The following MED13 variants were observed in gnomAD, a reference collection of about 807,000 sequenced individuals.
MED13 encodes the protein mediator of RNA polymerase II transcription subunit 13.
MED13 carries 23 observed loss-of-function variants against 225.2 expected under a neutral mutation model. That is an observed-to-expected ratio of 0.10 (90% confidence interval 0.07 to 0.14). The LOEUF is 0.14. Among genes scored for constraint, MED13 ranks in the 10% least tolerant of loss-of-function variants. The probability of loss-of-function intolerance (pLI) is 1.00; values close to 1 mark genes in which losing one functional copy is unlikely to be tolerated. For missense variants in MED13, 2,197 were observed against 2,594.5 expected (o/e 0.85, Z 3.33); for synonymous variants, 942 against 889.2 (o/e 1.06, Z -1.06).
intron 16 of MED13, among the ~76,000 whole-genome samples, chr17:61,979,359 G>C (rs2080183940): frequency 1.3e-5 from 2 of 152,198 alleles, no homozygotes; most frequent in South Asian, 4.2e-4. Flanking sequence ...AAATAGGCTG[G>C]AGTGCAGTGG....
chr17:62,047,173 C>T (rs972034307), intron 3 of MED13, among the ~76,000 whole-genome samples: 1 of 152,004 alleles, frequency 6.6e-6, no homozygotes, highest in African/African-American at 2.4e-5. Context: ...GAGTTCGAGA[C>T]CAGTCTGGCT....
At position 62,010,856 on chromosome 17, in the gene MED13, G is replaced by A; in HGVS notation, c.1661C>T (p.Thr554Ile). The A allele has an allele frequency of 6.2e-7, 1 of 1,614,242 alleles. No individual in the cohort carries two copies. The highest frequency in any genetic ancestry group is 8.5e-7 in the Non-Finnish European group (1 of 1,180,050). ...VDEGVTKTPS[T>I]PQSQHFYQMP... ...TTGATAAAAATGTTGACTCTGAGGA[G>A]TTGAAGGTGTTTTAGTCACTCCTTC... The change falls in exon 9 of 30, where the codon ACT (threonine) becomes ATT (isoleucine). Residue 554 changes from threonine (T) to isoleucine (I), a missense_variant. Thr to Ile is a moderately conservative substitution (Grantham distance 89, BLOSUM62 -1). Coordinates refer to ENST00000397786, the MANE Select transcript of MED13 (RefSeq NM_005121.3).
At chr17:62,019,813 G>A (rs183397534) in intron 8 of MED13, among the ~76,000 whole-genome samples, 4 of 150,096 alleles carry the variant, frequency 2.7e-5, no homozygotes, top group East Asian at 2.0e-4. Flanking sequence ...GCACAATCTC[G>A]GCTTACTGCA....
At chr17:61,973,828 T>C (rs887884760) in intron 16 of MED13, among the ~76,000 whole-genome samples, 1 of 151,462 alleles carries the variant, frequency 6.6e-6, no homozygotes, top group African/African-American at 2.4e-5. Context: ...CCAAAAAATA[T>C]AAAACTTAGC....
intron 9 of MED13, chr17:62,005,349 T>C (rs2080436434): frequency 6.6e-6 from 1 of 152,166 alleles, no homozygotes; most frequent in Non-Finnish European, 1.5e-5. Flanking sequence ...CTCGTGTCTG[T>C]AATCCCAGCA....
chr17:62,028,038 A>AC (rs2080719351), intron 8 of MED13, among the ~76,000 whole-genome samples: 1 of 152,174 alleles, frequency 6.6e-6, no homozygotes, highest in African/African-American at 2.4e-5. Context: ...CGACCCAGCA[A>AC]CCCCATTACT....
chr17:61,951,343 G>A (rs533495388), intron 27 of MED13, among the ~76,000 whole-genome samples: 8 of 152,094 alleles, frequency 5.3e-5, no homozygotes, highest in African/African-American at 7.2e-5. Context: ...TTTAAGTCCT[G>A]AAAACCACAC....
At chr17:61,968,280 T>C (rs766150678) in intron 17 of MED13, 22 bp from the exon 18 acceptor site, 51 of 1,520,518 alleles carry the variant, frequency 3.4e-5, no homozygotes, top group Non-Finnish European at 4.3e-5. Context: ...AGATGTATTT[T>C]AAGAAAACAC....
intron 3 of MED13, among the ~76,000 whole-genome samples, chr17:62,046,053 G>A (rs897815648): frequency 1.3e-5 from 2 of 152,062 alleles, no homozygotes; most frequent in African/African-American, 4.8e-5. Context: ...TACAACTCTT[G>A]TTCTTTTTTC....
At chr17:61,948,317 G>A (rs547702072) in intron 28 of MED13, among the ~76,000 whole-genome samples, 4 of 152,226 alleles carry the variant, frequency 2.6e-5, no homozygotes, top group South Asian at 2.1e-4. Context: ...GTGAATGCCC[G>A]CTTTATACTA....
chr17:61,987,012 G>C lies in MED13; in HGVS notation c.2380C>G (p.Leu794Val), dbSNP rs2080253423. 6.4e-7 allele frequency: 1 copy of C among 1,563,472 alleles called. No homozygotes were observed. ...DNLFNSDEDE[L>V]TPGSKKSANG... Reference sequence around the variant, plus strand: ...TTCATTAATGAGATACTCACTGTTAGTTCATCTTCATCAGAATTGAAGAGA... The same window carrying C: ...TTCATTAATGAGATACTCACTGTTACTTCATCTTCATCAGAATTGAAGAGA... Residue 794 changes from leucine (L) to valine (V), a missense_variant, in exon 12 of 30, where the codon CTA becomes GTA. Leu to Val is a conservative substitution (Grantham distance 32). This residue lies in a region of MED13 where 41 missense variants were observed against 55.8 expected (regional missense o/e 0.73). Transcript: ENST00000397786.
At chr17:62,044,186 C>G (rs1042859166) in intron 3 of MED13, among the ~76,000 whole-genome samples, 1 of 151,720 alleles carries the variant, frequency 6.6e-6, no homozygotes, top group African/African-American at 2.4e-5. Flanking sequence ...AAAATAAACA[C>G]AGCTTTATGG....
Position 61,982,253 on chromosome 17 carries a change from T to C in MED13, c.3750A>G (p.Lys1250=), listed in dbSNP as rs2080210980. The C allele has an allele frequency of 3.1e-6, 5 of 1,614,056 alleles. No individual in the cohort carries two copies. The highest frequency in any genetic ancestry group is 1.6e-4 in the Middle Eastern group (1 of 6,084). Residue 1250 remains lysine, a synonymous_variant, in exon 16 of 30, where the codon AAA becomes AAG. Transcript: ENST00000397786. The part of the protein sequence containing the change: ...RQFMDNMSGG[K]VDEALVKSSC... ...AACTTTTCACAAGTGCTTCATCAAC[T>C]TTTCCTCCTGACATGTTATCCATGA...
Position 61,943,211 on chromosome 17 carries a change from A to C in MED13, c.*3257T>G, listed in dbSNP as rs1016620050. On this transcript the variant is annotated 3_prime_UTR_variant, in exon 30 of 30. Coordinates refer to ENST00000397786, the MANE Select transcript of MED13 (RefSeq NM_005121.3). ...AATTCAGACAAACTAAAATCTTAAGAGGAAACCCAGACCAAAATATCACTC... is the reference window on the plus strand; with the variant it reads ...AATTCAGACAAACTAAAATCTTAAGCGGAAACCCAGACCAAAATATCACTC... The C allele has an allele frequency of 2.6e-5, 4 of 152,586 alleles. No individual in the cohort carries two copies. Among genetic ancestry groups the C allele is most frequent in the African/African-American group, 7.2e-5 (3 of 41,452 alleles). The allele number at this position is 152,586 out of a possible 1,614,324, so 9.5% of individuals were successfully genotyped here. A position where few individuals can be genotyped will look rare whatever the true frequency, so the allele number is the denominator to read the frequency against.
chr17:61,991,577 C>T (rs901488016), intron 11 of MED13, among the ~76,000 whole-genome samples: 1 of 151,960 alleles, frequency 6.6e-6, no homozygotes, highest in Non-Finnish European at 1.5e-5. Context: ...GACATGATCT[C>T]GGCACACTGC....
At chr17:61,947,565 AC>A (rs2079861130) in intron 28 of MED13, among the ~76,000 whole-genome samples, 1 of 152,208 alleles carries the variant, frequency 6.6e-6, no homozygotes, top group Non-Finnish European at 1.5e-5. Context: ...AGACATACCT[AC>A]GTCTAGCACT....
rs1398977201 is a variant in MED13, at chr17:61,963,022, G to C, written c.4845-51C>G. 4.0e-6 allele frequency: 6 copies of C among 1,508,054 alleles called. No individual in the cohort carries two copies. In the African/African-American group the frequency reaches 5.5e-5, roughly 14 times the overall value. 93.4% of individuals were successfully genotyped at this position (1,508,054 alleles called of 1,614,324 possible). A position where few individuals can be genotyped will look rare whatever the true frequency, so the allele number is the denominator to read the frequency against. On this transcript the variant is annotated intron_variant, in intron 20 of 29. Coordinates refer to ENST00000397786, the MANE Select transcript of MED13 (RefSeq NM_005121.3). ...AAAAAGTTGTACTGTATATGCTTGG[G>C]GTAGCATCTAAGCAGGTTCTTAATA... is the stretch of plus-strand genomic sequence containing the variant.
At chr17:62,018,558 C>T (rs1366541891) in intron 8 of MED13, among the ~76,000 whole-genome samples, 1 of 151,878 alleles carries the variant, frequency 6.6e-6, no homozygotes, top group South Asian at 2.1e-4. Context: ...TACACACACA[C>T]AAAAAGTTAG....
At chr17:61,983,438 T>C (rs1207907151) in intron 15 of MED13, among the ~76,000 whole-genome samples, 1 of 152,160 alleles carries the variant, frequency 6.6e-6, no homozygotes, top group African/African-American at 2.4e-5. Context: ...GATTCTAAGA[T>C]GCTACTGACT....
Sources: gnomAD v4.1 joint callset for allele counts (sites outside exome capture counted in the v4.1 genomes callset) on GRCh38, gnomAD v4.1.1 for gene constraint, gnomAD v4.1.1 regional missense constraint, MANE v1.5 for transcripts, NCBI Gene and HGNC (gene_info 2026-07-23, HGNC 2026-07-21) for gene names.